The following TRIQK variants were observed in gnomAD, a reference collection of about 807,000 sequenced individuals.
TRIQK encodes the protein triple QxxK/R motif-containing protein.
TRIQK carries 10 observed loss-of-function variants against 10.8 expected under a neutral mutation model. The observed-to-expected ratio is 0.92, with a 90% CI of 0.57 to 1.57. TRIQK has a LOEUF of 1.57. Among genes scored for constraint, TRIQK ranks in the 40% most tolerant of loss-of-function variants. The probability of loss-of-function intolerance (pLI) is 0.00; values close to 1 mark genes in which losing one functional copy is unlikely to be tolerated. For synonymous variants in TRIQK, 33 were observed against 33.7 expected, an observed-to-expected ratio of 0.98 and a Z score of 0.07; for missense variants, 107 against 97.7, an observed-to-expected ratio of 1.09 and a Z score of -0.40.
chr8:92,929,385 A>C (rs1162740626), intron 2 of TRIQK: 2 of 152,198 alleles, frequency 1.3e-5, no homozygotes, highest in African/African-American at 4.8e-5. Context: ...AAAACAAAGC[A>C]CTTGTTTTTC....
chr8:92,984,862 A>G (rs965880244), intron 1 of TRIQK, among the ~76,000 whole-genome samples: 5 of 152,098 alleles, frequency 3.3e-5, no homozygotes, highest in African/African-American at 7.2e-5. Context: ...TCTTGACTGT[A>G]TAGACATTTT....
intron 1 of TRIQK, among the ~76,000 whole-genome samples, chr8:92,963,190 C>T (rs1239737903): frequency 1.3e-5 from 2 of 152,096 alleles, no homozygotes; most frequent in Non-Finnish European, 2.9e-5. Context: ...CAAGTACTAA[C>T]GAAATAACAG....
chr8:92,902,324 A>G (rs897130259), intron 3 of TRIQK, among the ~76,000 whole-genome samples: 2 of 152,132 alleles, frequency 1.3e-5, no homozygotes, highest in East Asian at 3.9e-4. Flanking sequence ...GCACCAGCTA[A>G]GTTCTTCCCT....
intron 2 of TRIQK, among the ~76,000 whole-genome samples, chr8:92,946,264 G>C (rs1292703543): frequency 6.6e-6 from 1 of 152,168 alleles, no homozygotes; most frequent in African/African-American, 2.4e-5. Flanking sequence ...ACATTTTGAA[G>C]ATCTCCCCCC....
chr8:92,917,937 T>C (rs974595572), intron 2 of TRIQK, among the ~76,000 whole-genome samples: 1 of 152,046 alleles, frequency 6.6e-6, no homozygotes, highest in Admixed American at 6.6e-5. Context: ...CTCCATGAGA[T>C]CCACTTTTTC....
At chr8:92,912,815 A>T (rs1410833877) in intron 3 of TRIQK, among the ~76,000 whole-genome samples, 1 of 152,084 alleles carries the variant, frequency 6.6e-6, no homozygotes, top group Non-Finnish European at 1.5e-5. Context: ...GTAACAAATG[A>T]GACTGAATCA....
intron 1 of TRIQK, among the ~76,000 whole-genome samples, chr8:92,961,240 A>G (rs549492798): frequency 7.9e-4 from 120 of 152,312 alleles, no homozygotes; most frequent in Middle Eastern, 3.4e-3. Context: ...GATAATTTCT[A>G]CATAAGCCAG....
chr8:93,004,585 A>C (rs1458177785), intron 1 of TRIQK, among the ~76,000 whole-genome samples: 1 of 152,210 alleles, frequency 6.6e-6, no homozygotes, highest in Non-Finnish European at 1.5e-5. Context: ...TTTCTACCCC[A>C]TGGTTGAGCC....
chr8:92,903,353 T>A (rs1439486179), intron 3 of TRIQK, among the ~76,000 whole-genome samples: 2 of 151,882 alleles, frequency 1.3e-5, no homozygotes, highest in African/African-American at 2.4e-5. Context: ...TTTAAATAAT[T>A]CAAGCACTTA....
intron 2 of TRIQK, among the ~76,000 whole-genome samples, chr8:92,948,858 C>T (rs1016077207): frequency 2.0e-5 from 3 of 152,184 alleles, no homozygotes; most frequent in Non-Finnish European, 4.4e-5. Flanking sequence ...TAGCCCAATG[C>T]TGCCTCCTTA....
intron 2 of TRIQK, among the ~76,000 whole-genome samples, chr8:92,949,783 AAAGAAAGAAAG>A (rs1811767763): frequency 2.1e-4 from 2 of 9,550 alleles, no homozygotes; most frequent in African/African-American, 3.6e-4. Flanking sequence ...AAAGAAAGAA[AAAGAAAGAAAG>A]AAAGAAAGAA....
At chr8:92,984,405 G>A (rs1813013009) in intron 1 of TRIQK, among the ~76,000 whole-genome samples, 4 of 152,090 alleles carry the variant, frequency 2.6e-5, no homozygotes, top group Admixed American at 2.6e-4. Context: ...TTCAGATTAT[G>A]TCAAGGGGGA....
chr8:92,951,463 G>T (rs1023870693), intron 2 of TRIQK, among the ~76,000 whole-genome samples: 1 of 152,066 alleles, frequency 6.6e-6, no homozygotes, highest in Non-Finnish European at 1.5e-5. Context: ...AAACCCGTGA[G>T]AGGAAATCGT....
In TRIQK at chr8:92,895,255, A is replaced by G. The variant is rs535805915; in HGVS notation, c.62-3181T>C. 3.9e-5 allele frequency among the ~76,000 whole-genome samples: 6 copies of G among 152,342 alleles called. No homozygotes were observed. In the East Asian group the frequency reaches 9.6e-4, roughly 24 times the overall value. Reference sequence around the variant, plus strand: ...CTTAGACTTCCCAGTCTCCACAATCATAAGAAATAAATATCTGTTCTTTAC... The same window carrying G: ...CTTAGACTTCCCAGTCTCCACAATCGTAAGAAATAAATATCTGTTCTTTAC... On this transcript the variant is annotated intron_variant, in intron 3 of 4. Coordinates refer to ENST00000521988, the MANE Select transcript of TRIQK (RefSeq NM_001171797.2).
At chr8:92,906,295 G>A (rs977732476) in intron 3 of TRIQK, among the ~76,000 whole-genome samples, 4 of 152,156 alleles carry the variant, frequency 2.6e-5, no homozygotes, top group Admixed American at 1.3e-4. Flanking sequence ...AGTGTTGGCT[G>A]AGGTAATTTA....
At chr8:92,971,041 A>G (rs1162545072), upstream of TRIQK, among the ~76,000 whole-genome samples, 1 of 152,132 alleles carries the variant, frequency 6.6e-6, no homozygotes, top group Non-Finnish European at 1.5e-5. Flanking sequence ...AGCGCTGTTT[A>G]TTAAATAGGG....
intron 2 of TRIQK, chr8:92,928,088 G>A (rs1382007547): frequency 2.0e-5 from 3 of 152,288 alleles, no homozygotes; most frequent in Non-Finnish European, 4.4e-5. Context: ...TAAAAAGATA[G>A]AGAGGGAAGG....
At chr8:92,965,482 G>C (rs1305174826) in intron 1 of TRIQK, 2 of 152,426 alleles carry the variant, frequency 1.3e-5, no homozygotes, top group East Asian at 3.9e-4. Flanking sequence ...AGAGGAAGCA[G>C]GAAAAAGAGT....
chr8:92,983,899 T>C (rs956633312), intron 1 of TRIQK, among the ~76,000 whole-genome samples: 1 of 152,094 alleles, frequency 6.6e-6, no homozygotes, highest in African/African-American at 2.4e-5. Flanking sequence ...TGAGAATGGT[T>C]TGGGATTTGC....
Sources: gnomAD v4.1 joint callset for allele counts (sites outside exome capture counted in the v4.1 genomes callset) on GRCh38, gnomAD v4.1.1 for gene constraint, MANE v1.5 for transcripts, NCBI Gene and HGNC (gene_info 2026-07-23, HGNC 2026-07-21) for gene names.